ARHGAP32: variants seen among roughly 807,000 people sequenced by gnomAD.
The protein encoded by ARHGAP32 is rho GTPase-activating protein 32.
In ARHGAP32, 51 loss-of-function variants were observed where a neutral mutation model predicts 186.5. That is an observed-to-expected ratio of 0.27 (90% confidence interval 0.22 to 0.35). The LOEUF is 0.35. Ranked by LOEUF, ARHGAP32 falls within the 10% of genes least tolerant of loss-of-function variation. The probability of loss-of-function intolerance (pLI) is 1.00; values close to 1 mark genes in which losing one functional copy is unlikely to be tolerated. For synonymous variants in ARHGAP32, 950 were observed against 964.3 expected (o/e 0.99, Z 0.27); for missense variants, 2,186 against 2,623.5 (o/e 0.83, Z 3.64).
At position 128,969,835 on chromosome 11, in the gene ARHGAP32, G is replaced by A. The variant is rs776020740; in HGVS notation, c.5378C>T (p.Ala1793Val). The A allele has an allele frequency of 1.3e-5, 21 of 1,614,034 alleles. No individual in the cohort carries two copies. Among genetic ancestry groups the A allele is most frequent in the East Asian group, 4.5e-5 (2 of 44,896 alleles). ...GATCCCACCCAAGTCGTCCTGCACC[G>A]CCGGGGTCATGTTATCATATTGGGA... is the stretch of plus-strand genomic sequence containing the variant. ...VMSQYDNMTP[A>V]VQDDLGGIYV... is the part of the protein sequence containing the mutation. The change falls in exon 23 of 23, where the codon GCG (alanine) becomes GTG (valine). Residue 1793 changes from alanine to valine, a missense_variant. Transcript: ENST00000682385. This position sits in a 1 kb window ranked among gnomAD's most constrained non-coding sequence, Gnocchi z 4.8.
At chr11:129,042,774 G>GGAGT (rs1939647725) in intron 10 of ARHGAP32, among the ~76,000 whole-genome samples, 2 of 152,178 alleles carry the variant, frequency 1.3e-5, no homozygotes, top group South Asian at 4.1e-4. Context: ...GAGAGCTGGA[G>GGAGT]GAGTGGAGCT....
intron 5 of ARHGAP32, among the ~76,000 whole-genome samples, chr11:129,119,077 G>A (rs1244071894): frequency 6.6e-6 from 1 of 151,982 alleles, no homozygotes; most frequent in African/African-American, 2.4e-5. Flanking sequence ...CCCCCGTGCT[G>A]TTATATCTCT....
intron 1 of ARHGAP32, among the ~76,000 whole-genome samples, chr11:129,237,755 A>C (rs1944955320): frequency 6.6e-6 from 1 of 152,208 alleles, no homozygotes; most frequent in Non-Finnish European, 1.5e-5. Context: ...TTTCCAAGCT[A>C]TGCAAAGAAC....
intron 12 of ARHGAP32, among the ~76,000 whole-genome samples, chr11:128,996,168 C>G (rs1245587587): frequency 6.6e-6 from 1 of 152,066 alleles, no homozygotes; most frequent in African/African-American, 2.4e-5. Context: ...ATTTCAAAAT[C>G]GCCTAAAGAT....
intron 11 of ARHGAP32, among the ~76,000 whole-genome samples, chr11:129,027,637 G>A (rs144245306): frequency 6.6e-6 from 1 of 152,062 alleles, no homozygotes; most frequent in Non-Finnish European, 1.5e-5. Context: ...TCAGGTCTTT[G>A]TTCAAAAGTA....
intron 5 of ARHGAP32, among the ~76,000 whole-genome samples, chr11:129,101,650 T>C (rs576459687): frequency 9.2e-4 from 140 of 151,764 alleles, no homozygotes; most frequent in African/African-American, 3.3e-3. Flanking sequence ...CAGACAAGAA[T>C]AGAGAAAAAA....
intron 20 of ARHGAP32, 142 bp from the exon 21 acceptor site, chr11:128,975,144 A>C: frequency 1.5e-6 from 1 of 665,024 alleles, no homozygotes; most frequent in East Asian, 2.8e-5. Context: ...AAATTCTTTC[A>C]GTGCACACAG....
chr11:129,244,347 T>C (rs1271070408), intron 1 of ARHGAP32, among the ~76,000 whole-genome samples: 2 of 152,244 alleles, frequency 1.3e-5, no homozygotes, highest in African/African-American at 4.8e-5. Flanking sequence ...ATATGGTTAG[T>C]TCCATATTTT....
chr11:129,097,397 C>T (rs540523351), intron 5 of ARHGAP32, among the ~76,000 whole-genome samples: 50 of 151,908 alleles, frequency 3.3e-4, no homozygotes, highest in African/African-American at 1.1e-3. Flanking sequence ...TAAAGATGTT[C>T]GAAGACCTAA....
intron 1 of ARHGAP32, among the ~76,000 whole-genome samples, chr11:129,200,966 G>GA (rs927513009): frequency 6.6e-6 from 1 of 151,896 alleles, no homozygotes; most frequent in Non-Finnish European, 1.5e-5. Context: ...TAAAAAATAA[G>GA]AAAAAAGTCC....
chr11:129,071,019 G>A (rs756480076), intron 6 of ARHGAP32, among the ~76,000 whole-genome samples: 75 of 151,908 alleles, frequency 4.9e-4, no homozygotes, highest in Non-Finnish European at 8.4e-4. Flanking sequence ...ATAATTGTAT[G>A]TTTAATCAAA....
chr11:129,037,606 G>A (rs1338901483), intron 11 of ARHGAP32, among the ~76,000 whole-genome samples: 2 of 151,828 alleles, frequency 1.3e-5, no homozygotes, highest in African/African-American at 4.9e-5. Context: ...TGATCTACAG[G>A]TTCAATATAC....
intron 2 of ARHGAP32, among the ~76,000 whole-genome samples, chr11:129,158,000 A>C (rs2135470942): frequency 6.6e-6 from 1 of 152,348 alleles, no homozygotes; most frequent in South Asian, 2.1e-4. Flanking sequence ...AGGAGAAATA[A>C]AATCCTTTAC....
intron 1 of ARHGAP32, among the ~76,000 whole-genome samples, chr11:129,190,947 T>G (rs891380508): frequency 2.0e-5 from 3 of 152,218 alleles, no homozygotes; most frequent in South Asian, 4.1e-4. Context: ...TAATTCATTT[T>G]TATACTCTGA....
intron 1 of ARHGAP32, among the ~76,000 whole-genome samples, chr11:129,190,327 G>C (rs1944245995): frequency 6.6e-6 from 1 of 152,192 alleles, no homozygotes; most frequent in Non-Finnish European, 1.5e-5. Context: ...ATGCGTGAGA[G>C]ACACTACATG....
chr11:129,128,977 A>G (rs558955602), intron 2 of ARHGAP32, among the ~76,000 whole-genome samples: 86 of 152,136 alleles, frequency 5.7e-4, no homozygotes, highest in Middle Eastern at 3.4e-3. Flanking sequence ...CCAAAGTGCC[A>G]AGACTGCAGC....
chr11:129,137,485 T>C (rs769162479), intron 2 of ARHGAP32, among the ~76,000 whole-genome samples: 7 of 151,898 alleles, frequency 4.6e-5, no homozygotes, highest in Non-Finnish European at 7.4e-5. Flanking sequence ...CAGAGAACAA[T>C]TACCTCAAAT....
At chr11:129,093,768 A>G (rs1454275372) in intron 5 of ARHGAP32, 61 bp from the exon 6 acceptor site, 1 of 1,184,046 alleles carries the variant, frequency 8.4e-7, no homozygotes, top group African/African-American at 1.5e-5. Context: ...ACGAGAATAA[A>G]CTAAGCATTC....
At chr11:129,115,182 G>T (rs1179531741) in intron 5 of ARHGAP32, among the ~76,000 whole-genome samples, 1 of 152,020 alleles carries the variant, frequency 6.6e-6, no homozygotes, top group Non-Finnish European at 1.5e-5. Context: ...ATATTATGTG[G>T]TCCACCCACC....
Sources: gnomAD v4.1 joint callset for allele counts (sites outside exome capture counted in the v4.1 genomes callset) on GRCh38, gnomAD v4.1.1 for gene constraint, Gnocchi (gnomAD v3.1) non-coding constraint, MANE v1.5 for transcripts, NCBI Gene and HGNC (gene_info 2026-07-23, HGNC 2026-07-21) for gene names.